PRAMEF11: variants seen among roughly 807,000 people sequenced by gnomAD.
PRAMEF11 encodes the protein PRAME family member 11.
PRAMEF11 carries 17 observed loss-of-function variants against 33.6 expected under a neutral mutation model. The observed-to-expected ratio is 0.51, with a 90% CI of 0.35 to 0.76. The LOEUF (loss-of-function observed/expected upper bound fraction) is 0.76, where lower values mean the gene tolerates loss of function less well. Ranked by LOEUF, PRAMEF11 falls within the 30% of genes least tolerant of loss-of-function variation. PRAMEF11 has a pLI of 0.01. For synonymous variants in PRAMEF11, 205 were observed against 227.3 expected, an observed-to-expected ratio of 0.90 and a Z score of 0.88; for missense variants, 568 against 567.0, an observed-to-expected ratio of 1.00 and a Z score of -0.02.
At chr1:12,829,534 G>C (rs894254234) in intron 1 of PRAMEF11, among the ~76,000 whole-genome samples, 1 of 151,064 alleles carries the variant, frequency 6.6e-6, no homozygotes, top group Non-Finnish European at 1.5e-5. Context: ...TCAAGTAGCT[G>C]GGACCACAGT....
chr1:12,827,863 A>G, intron 2 of PRAMEF11, 33 bp from the exon 3 acceptor site: 1 of 1,590,794 alleles, frequency 6.3e-7, no homozygotes, highest in South Asian at 1.1e-5. Context: ...CTGAGAATTT[A>G]AGAACTCATT....
At chr1:12,827,140 C>T in intron 3 of PRAMEF11, 109 bp downstream of exon 3, 2 of 1,572,512 alleles carry the variant, frequency 1.3e-6, no homozygotes, top group South Asian at 2.3e-5. Context: ...ATTCTAGTGT[C>T]CCCTTCACTG....
intron 2 of PRAMEF11, among the ~76,000 whole-genome samples, chr1:12,828,129 G>A (rs1557611278): frequency 6.7e-6 from 1 of 149,728 alleles, no homozygotes; most frequent in Non-Finnish European, 1.5e-5. Context: ...GGGATTACAG[G>A]AACCCACCAC....
At position 12,826,273 on chromosome 1, in the gene PRAMEF11, C is replaced by A. The variant is rs573833536; in HGVS notation, c.876-770G>T. Among the ~76,000 whole-genome samples, 297 of 150,762 alleles carry A rather than the reference C, an allele frequency of 2.0e-3. 7 individuals are homozygous for A. The highest frequency in any genetic ancestry group is 3.2e-3 in the Non-Finnish European group (214 of 67,572). ...GTGCCTGCTCCCTGACCCTCTGTTT[C>A]AGAATCATACATTTCCTAGGTAATT... On this transcript the variant is annotated intron_variant, in intron 3 of 3. Coordinates refer to ENST00000619922, the MANE Select transcript of PRAMEF11 (RefSeq NM_001146344.3).
Position 12,831,156 on chromosome 1 carries a change from A to C in PRAMEF11, c.-17+200T>G, listed in dbSNP as rs77890669. Among the ~76,000 whole-genome samples, 1,958 of 151,304 alleles carry C rather than the reference A, an allele frequency of 0.013. 83 individuals carry two copies. Among genetic ancestry groups the C allele is most frequent in the African/African-American group, 0.045 (1,856 of 41,306 alleles). The stretch of plus-strand genomic sequence containing the variant: ...CTCCCTTCAAGAATTTTGAAATGAC[A>C]TCAACCAAAGCACAATCAACTTTTT... On this transcript the variant is annotated intron_variant, in intron 1 of 3. Transcript: ENST00000619922.
Position 12,825,086 on chromosome 1 carries a change from G to C in PRAMEF11, c.1293C>G (p.Ser431Arg), listed in dbSNP as rs751754915. The C allele has an allele frequency of 8.6e-5, 139 of 1,609,586 alleles. 6 individuals are homozygous for C. Among genetic ancestry groups the C allele is most frequent in the Non-Finnish European group, 1.1e-4 (128 of 1,177,764 alleles). ...GCTCAGCCCTAATTTGAGCAAATCT[G>C]CTCCAGCAGAGAGTACCATCAGCAC... ...SYGADGTLCW[S>R]RFAQIRAELM... Residue 431 changes from serine (S) to arginine (R), a missense_variant, in exon 4 of 4, where the codon AGC (serine) becomes AGG (arginine). Coordinates refer to ENST00000619922, the MANE Select transcript of PRAMEF11 (RefSeq NM_001146344.3).
rs1216342950 is a variant in PRAMEF11, at chr1:12,827,300, A to G, written c.824T>C (p.Leu275Pro). 1 of 1,598,048 alleles carries G rather than the reference A, an allele frequency of 6.3e-7. No homozygotes were observed. Among genetic ancestry groups the G allele is most frequent in the Non-Finnish European group, 8.5e-7 (1 of 1,178,532 alleles). The change falls in exon 3 of 4, where the codon CTT (leucine) becomes CCT (proline). Residue 275 changes from leucine to proline, a missense_variant. By Grantham distance (98) the Leu-to-Pro change is moderately conservative (BLOSUM62 -3). This residue lies in a region of PRAMEF11 where 52 missense variants were observed against 127.8 expected (regional missense o/e 0.41). Transcript: ENST00000619922. ...QFLKLRCLQK[L>P]YMNSVSFLEG... ...GAGGAAAGAAACAGAGTTCATATAAAGCTTTTGGAGGCAGCGCAGCTTGAG... is the reference window on the plus strand; with the variant it reads ...GAGGAAAGAAACAGAGTTCATATAAGGCTTTTGGAGGCAGCGCAGCTTGAG...
At chr1:12,830,076 G>C (rs1317677523) in intron 1 of PRAMEF11, among the ~76,000 whole-genome samples, 3 of 151,098 alleles carry the variant, frequency 2.0e-5, no homozygotes, top group Non-Finnish European at 4.4e-5. Context: ...GTCCTTCAAA[G>C]TCCTGAGTGT....
rs776437512 is a variant in PRAMEF11 at position 12,827,812 on chromosome 1, C to A, written c.312G>T (p.Val104=). The change falls in exon 3 of 4, where the codon GTG becomes GTT. Residue 104 remains valine, a synonymous_variant. Coordinates refer to ENST00000619922, the MANE Select transcript of PRAMEF11 (RefSeq NM_001146344.3). ...GVRPRRWKLQ[V]LDLQDVCENF... is the part of the protein sequence containing the mutation. ...TCTCACAGACATCCTGTAAATCCAG[C>A]ACTTGAAGTTTCCATCTCCTGTGGG... The A allele has an allele frequency of 6.2e-7, 1 of 1,607,554 alleles. No individual in the cohort carries two copies. The highest frequency in any genetic ancestry group is 1.3e-5 in the African/African-American group (1 of 74,686).
Position 12,827,246 on chromosome 1 carries a change from C to T in PRAMEF11, c.875+3G>A. On this transcript the variant is annotated splice_donor_region_variant and intron_variant, in intron 3 of 3. Transcript: ENST00000619922. ...GCAGAGAAAGCTCACCACCCTCCCT[C>T]ACCTGAGCAGCTGGTCCAGGTGGCC... The T allele has an allele frequency of 6.3e-7, 1 of 1,595,296 alleles. No homozygotes were observed. The highest frequency in any genetic ancestry group is 1.1e-5 in the South Asian group (1 of 90,402).
rs142626825 is a variant in PRAMEF11 at position 12,829,951 on chromosome 1, T to A, written c.-16-1146A>T. Among the ~76,000 whole-genome samples, 55 of 151,418 alleles carry A rather than the reference T, an allele frequency of 3.6e-4. 2 individuals carry two copies. The East Asian group carries it at 0.01, about 28-fold the overall frequency. Reference sequence around the variant, plus strand: ...TGATTGGATTTCTGACTTTCTTAAATATTAACTGATCGAATTAGATATTCA... The same window carrying A: ...TGATTGGATTTCTGACTTTCTTAAAAATTAACTGATCGAATTAGATATTCA... On this transcript the variant is annotated intron_variant, in intron 1 of 3. Coordinates refer to ENST00000619922, the MANE Select transcript of PRAMEF11 (RefSeq NM_001146344.3).
At position 12,825,319 on chromosome 1, in the gene PRAMEF11, G is replaced by A; in HGVS notation, c.1060C>T (p.Leu354Phe). ...QILLEKVAAT[L>F]EYLDLDDCGI... ...CAGTCATCTAAATCCAGGTACTCAA[G>A]GGTGGCTGCAACTTTTTCTAGGAGA... The change falls in exon 4 of 4, where the codon CTT (leucine) becomes TTT (phenylalanine). Residue 354 changes from leucine to phenylalanine, a missense_variant. Transcript: ENST00000619922. The A allele has an allele frequency of 6.3e-7, 1 of 1,590,900 alleles. No individual in the cohort carries two copies. The highest frequency in any genetic ancestry group is 8.6e-7 in the Non-Finnish European group (1 of 1,167,516).
chr1:12,831,408 G>C lies in PRAMEF11; in HGVS notation c.-69C>G. On this transcript the variant is annotated 5_prime_UTR_variant, in exon 1 of 4. Coordinates refer to ENST00000619922, the MANE Select transcript of PRAMEF11 (RefSeq NM_001146344.3). ...TCAGACCTCAGGAAGAACCAAGCAG[G>C]AACTCCAGGCTTGAAGACTTTGGGT... 1 of 150,968 alleles carries C rather than the reference G, an allele frequency of 6.6e-6. No homozygotes were observed. The highest frequency in any genetic ancestry group is 2.0e-4 in the East Asian group (1 of 5,084). 9.4% of individuals were successfully genotyped at this position (150,968 alleles called of 1,614,324 possible). A position where few individuals can be genotyped will look rare whatever the true frequency, so the allele number is the denominator to read the frequency against.
intron 3 of PRAMEF11, among the ~76,000 whole-genome samples, chr1:12,826,458 T>A (rs1286473596): frequency 2.6e-5 from 4 of 151,198 alleles, no homozygotes; most frequent in Non-Finnish European, 5.9e-5. Flanking sequence ...CTTCACATCA[T>A]CTTCTTAAAA....
At position 12,827,492 on chromosome 1, in the gene PRAMEF11, TC is replaced by T. The variant is rs1438102560; in HGVS notation, c.631del (p.Glu211ArgfsTer4). 1 of 1,611,402 alleles carries T rather than the reference TC, an allele frequency of 6.2e-7. No homozygotes were observed. Among genetic ancestry groups the T allele is most frequent in the Non-Finnish European group, 8.5e-7 (1 of 1,179,318 alleles). ...TATCCACTTGCAATTCACTTCCACC[TC>T]CTGGATACAGTCTAGGTTCACCATT... ...LKMVNLDCIQEVEVNCKWILP... is the reference protein window; with the variant it reads ...LKMVNLDCIQXVEVNCKWILP... On this transcript the variant is annotated frameshift_variant, in exon 3 of 4. Coordinates refer to ENST00000619922, the MANE Select transcript of PRAMEF11 (RefSeq NM_001146344.3). LOFTEE classifies it high-confidence loss of function.
chr1:12,828,118 T>C (rs1639915461), intron 2 of PRAMEF11, among the ~76,000 whole-genome samples: 1 of 149,970 alleles, frequency 6.7e-6, no homozygotes, highest in Admixed American at 6.7e-5. Flanking sequence ...CACAAGTAGC[T>C]GGGATTACAG....
At chr1:12,829,744 C>T (rs1376058207) in intron 1 of PRAMEF11, among the ~76,000 whole-genome samples, 2 of 150,960 alleles carry the variant, frequency 1.3e-5, no homozygotes, top group Non-Finnish European at 3.0e-5. Context: ...GCAGTGGTCT[C>T]CGCCTGTAGT....
chr1:12,830,816 C>G, intron 1 of PRAMEF11, among the ~76,000 whole-genome samples: 1 of 150,532 alleles, frequency 6.6e-6, no homozygotes, highest in East Asian at 2.0e-4. Flanking sequence ...TGGTGAAACC[C>G]CACCTCTACT....
At chr1:12,828,020 C>T (rs1434296400) in intron 2 of PRAMEF11, among the ~76,000 whole-genome samples, 190 bp from the exon 3 acceptor site, 2 of 147,174 alleles carry the variant, frequency 1.4e-5, no homozygotes, top group African/African-American at 5.0e-5. Flanking sequence ...AAGTCTCCTT[C>T]TGTCGCCCAG....
Sources: allele counts gnomAD v4.1 joint callset (sites outside exome capture counted in the v4.1 genomes callset), GRCh38; gene constraint gnomAD v4.1.1; regional missense constraint gnomAD v4.1.1; transcripts MANE v1.5; gene names NCBI Gene and HGNC (gene_info 2026-07-23, HGNC 2026-07-21).